TTC27: variants seen among roughly 807,000 people sequenced by gnomAD.
TTC27 encodes tetratricopeptide repeat protein 27.
TTC27 carries 79 observed loss-of-function variants against 115.9 expected under a neutral mutation model. The ratio of observed to expected loss-of-function variants is 0.68; its 90% CI spans 0.57 to 0.82. The LOEUF (loss-of-function observed/expected upper bound fraction) is 0.82, where lower values mean the gene tolerates loss of function less well. Among genes scored for constraint, TTC27 ranks in the 40% least tolerant of loss-of-function variants. The pLI is 0.00. For synonymous variants in TTC27, 401 were observed against 356.0 expected (o/e 1.13, Z -1.42); for missense variants, 1,054 against 993.1 (o/e 1.06, Z -0.82).
intron 13 of TTC27, among the ~76,000 whole-genome samples, chr2:32,776,186 A>T (rs951605877): frequency 2.0e-5 from 3 of 152,210 alleles, no homozygotes; most frequent in African/African-American, 7.2e-5. Context: ...GATAACAGTT[A>T]TTTATAGCCT....
At chr2:32,696,442 A>G (rs572976749) in intron 9 of TTC27, among the ~76,000 whole-genome samples, 138 of 151,818 alleles carry the variant, frequency 9.1e-4, no homozygotes, top group African/African-American at 3.2e-3. Flanking sequence ...GGTGCCCACC[A>G]TCACGCCCAG....
chr2:32,685,009 C>G (rs575973127), intron 9 of TTC27, among the ~76,000 whole-genome samples: 48 of 139,450 alleles, frequency 3.4e-4, no homozygotes, highest in Non-Finnish European at 7.1e-4. Context: ...TCTGCTTTGC[C>G]TTTTCCTTTT....
intron 9 of TTC27, among the ~76,000 whole-genome samples, chr2:32,688,319 T>C (rs1666702301): frequency 6.6e-6 from 1 of 152,134 alleles, no homozygotes; most frequent in Non-Finnish European, 1.5e-5. Context: ...TACAAAATTT[T>C]CCTCCTATGT....
intron 16 of TTC27, among the ~76,000 whole-genome samples, chr2:32,792,296 T>G (rs1030534056): frequency 1.2e-4 from 18 of 152,108 alleles, no homozygotes; most frequent in Non-Finnish European, 8.8e-5. Context: ...GAGGAGAGAA[T>G]GGATATATGT....
chr2:32,762,449 G>A (rs577614116), intron 13 of TTC27, among the ~76,000 whole-genome samples: 15 of 152,206 alleles, frequency 9.9e-5, no homozygotes, highest in African/African-American at 3.4e-4. Context: ...AGGCTAAACC[G>A]TTGGGTTTTT....
chr2:32,703,837 A>G (rs1465905031), intron 10 of TTC27, among the ~76,000 whole-genome samples: 1 of 152,246 alleles, frequency 6.6e-6, no homozygotes, highest in Non-Finnish European at 1.5e-5. Context: ...TGCTACAACA[A>G]TATACCTGAG....
chr2:32,698,597 A>C (rs1032367018), intron 9 of TTC27, among the ~76,000 whole-genome samples: 2 of 150,148 alleles, frequency 1.3e-5, no homozygotes, highest in African/African-American at 4.9e-5. Context: ...CTCCTGCCTC[A>C]GCCTCCTGAG....
At chr2:32,787,631 G>A (rs574628336) in intron 16 of TTC27, among the ~76,000 whole-genome samples, 220 of 152,210 alleles carry the variant, frequency 1.4e-3, no homozygotes, top group African/African-American at 4.4e-3. Context: ...GTGGAATAAA[G>A]TTATCCCTCC....
intron 5 of TTC27, among the ~76,000 whole-genome samples, chr2:32,654,383 T>A (rs577126488): frequency 6.6e-6 from 1 of 152,208 alleles, no homozygotes; most frequent in Non-Finnish European, 1.5e-5. Context: ...GTGGATATAG[T>A]GTGCCTTTTA....
rs1465202493 is a variant in TTC27, at chr2:32,670,009, C to T, written c.940-2263C>T. Reference sequence around the variant, plus strand: ...GTAGCCTGCCTTAGCCTCCGAGTAGCTGAGACTACAGCCACATGCCACCAC... The same window carrying T: ...GTAGCCTGCCTTAGCCTCCGAGTAGTTGAGACTACAGCCACATGCCACCAC... On this transcript the variant is annotated intron_variant, in intron 7 of 19. Transcript: ENST00000317907. Among the ~76,000 whole-genome samples the T allele has an allele frequency of 2.0e-5, 3 of 151,612 alleles. No individual in the cohort carries two copies. In the East Asian group the frequency reaches 5.8e-4, roughly 29 times the overall value.
At chr2:32,741,754 A>G (rs768831766) in intron 12 of TTC27, among the ~76,000 whole-genome samples, 5 of 152,230 alleles carry the variant, frequency 3.3e-5, no homozygotes, top group Non-Finnish European at 4.4e-5. Context: ...TATTTGCTGC[A>G]TGAGTAACTA....
intron 16 of TTC27, among the ~76,000 whole-genome samples, chr2:32,809,644 C>T (rs1671249506): frequency 6.6e-6 from 1 of 152,188 alleles, no homozygotes; most frequent in African/African-American, 2.4e-5. Context: ...GCTGTCCCAC[C>T]ATCAAAGGAG....
chr2:32,632,987 G>A (rs1210944485), intron 2 of TTC27, among the ~76,000 whole-genome samples: 1 of 152,178 alleles, frequency 6.6e-6, no homozygotes, highest in Non-Finnish European at 1.5e-5. Context: ...TCACATCACA[G>A]CAAGACTGAA....
At chr2:32,781,543 T>G (rs905557176) in intron 14 of TTC27, among the ~76,000 whole-genome samples, 2 of 152,166 alleles carry the variant, frequency 1.3e-5, no homozygotes, top group African/African-American at 2.4e-5. Flanking sequence ...GTTAAATTAT[T>G]CCTAAATCAG....
chr2:32,708,943 G>C (rs1382154916), intron 10 of TTC27, among the ~76,000 whole-genome samples: 1 of 152,122 alleles, frequency 6.6e-6, no homozygotes, highest in Non-Finnish European at 1.5e-5. Flanking sequence ...GTCAAGAGTA[G>C]ACTATTAGTT....
chr2:32,695,456 C>T (rs1666950323), intron 9 of TTC27, among the ~76,000 whole-genome samples: 1 of 151,804 alleles, frequency 6.6e-6, no homozygotes, highest in African/African-American at 2.4e-5. Context: ...CACGGTGGCT[C>T]ACGCCTGTAA....
At chr2:32,785,811 G>A (rs1219731497) in intron 15 of TTC27, among the ~76,000 whole-genome samples, 2 of 152,134 alleles carry the variant, frequency 1.3e-5, no homozygotes, top group African/African-American at 4.8e-5. Context: ...GGTCAGGATG[G>A]CCTTGATCTT....
At chr2:32,769,542 G>C (rs1323766452) in intron 13 of TTC27, among the ~76,000 whole-genome samples, 1 of 152,162 alleles carries the variant, frequency 6.6e-6, no homozygotes, top group African/African-American at 2.4e-5. Flanking sequence ...CCTTTACATG[G>C]AGGAAGGCAG....
intron 6 of TTC27, 108 bp from the exon 7 acceptor site, chr2:32,666,526 TG>T: frequency 8.5e-7 from 1 of 1,170,758 alleles, no homozygotes; most frequent in Non-Finnish European, 1.1e-6. Context: ...TTATGTGAAA[TG>T]GAGAAAATAC....
Sources: allele counts gnomAD v4.1 joint callset (sites outside exome capture counted in the v4.1 genomes callset), GRCh38; gene constraint gnomAD v4.1.1; transcripts MANE v1.5; gene names NCBI Gene and HGNC (gene_info 2026-07-23, HGNC 2026-07-21).